BANP: variants seen among roughly 807,000 people sequenced by gnomAD.
BANP encodes BTG3 associated nuclear protein.
Under a neutral mutation model 68.1 loss-of-function variants are expected in BANP, and 11 were observed. The observed-to-expected ratio is 0.16, with a 90% confidence interval of 0.10 to 0.27. BANP has a LOEUF of 0.27. BANP is among the 10% of genes least tolerant of loss of function. The pLI is 1.00. For missense variants in BANP, 504 were observed against 722.7 expected (o/e 0.70, Z 3.47); for synonymous variants, 329 against 303.2 (o/e 1.09, Z -0.88).
chr16:87,995,323 G>A (rs2066904875), intron 4 of BANP, among the ~76,000 whole-genome samples: 1 of 152,142 alleles, frequency 6.6e-6, no homozygotes, highest in South Asian at 2.1e-4. Flanking sequence ...TCCTCTTTTT[G>A]TAAGTACATT....
chr16:87,980,365 G>A (rs189616923), intron 2 of BANP, among the ~76,000 whole-genome samples: 178 of 152,316 alleles, frequency 1.2e-3, no homozygotes, highest in African/African-American at 3.7e-3. Flanking sequence ...TATCTTTGAC[G>A]TTGTTTTTGT....
At chr16:87,965,388 A>ATGGGGC (rs1361315587) in intron 1 of BANP, among the ~76,000 whole-genome samples, 2 of 138,690 alleles carry the variant, frequency 1.4e-5, no homozygotes, top group African/African-American at 2.7e-5. Flanking sequence ...GAACAGAGAA[A>ATGGGGC]TGGGGCTGGG....
chr16:87,983,687 C>T (rs1156759954), intron 3 of BANP, among the ~76,000 whole-genome samples: 6 of 151,772 alleles, frequency 4.0e-5, no homozygotes, highest in African/African-American at 4.9e-5. Context: ...TATGCTGTGT[C>T]GATGTTAGGT....
chr16:88,047,789 A>G (rs2082347791), intron 11 of BANP, among the ~76,000 whole-genome samples: 1 of 152,246 alleles, frequency 6.6e-6, no homozygotes, highest in South Asian at 2.1e-4. Flanking sequence ...AATGTGGTAC[A>G]TAGTGAACTC....
chr16:88,048,502 C>T (rs549704781), intron 11 of BANP, among the ~76,000 whole-genome samples: 12 of 151,438 alleles, frequency 7.9e-5, no homozygotes, highest in African/African-American at 2.2e-4. Flanking sequence ...ATCGAGTCGG[C>T]GCTCACCACG....
intron 6 of BANP, among the ~76,000 whole-genome samples, chr16:88,016,201 C>T (rs2074513019): frequency 6.6e-6 from 1 of 152,196 alleles, no homozygotes; most frequent in Non-Finnish European, 1.5e-5. Context: ...TCAGCACAAG[C>T]GGGGACTATG....
chr16:88,043,259 A>G (rs2081244552), intron 11 of BANP, among the ~76,000 whole-genome samples: 1 of 152,220 alleles, frequency 6.6e-6, no homozygotes, highest in South Asian at 2.1e-4. Flanking sequence ...GGCTCCAGGC[A>G]TGGGTAGCTC....
intron 11 of BANP, among the ~76,000 whole-genome samples, chr16:88,054,321 C>CACCACCTCT (rs60253303): frequency 1.1e-5 from 1 of 87,094 alleles, no homozygotes; most frequent in Non-Finnish European, 3.4e-5. Flanking sequence ...CCACCTTCAC[C>CACCACCTCT]ACTGTCATCT....
intron 4 of BANP, among the ~76,000 whole-genome samples, chr16:87,996,013 T>C (rs906254876): frequency 2.0e-5 from 3 of 152,358 alleles, no homozygotes; most frequent in Middle Eastern, 3.4e-3. Context: ...AACTCATCTT[T>C]GGAGGGCTGG....
chr16:87,955,476 A>C (rs8058503), intron 1 of BANP, among the ~76,000 whole-genome samples: 1 of 152,162 alleles, frequency 6.6e-6, no homozygotes, highest in Non-Finnish European at 1.5e-5. Flanking sequence ...TTATGTAACC[A>C]GGCATCCATA....
intron 1 of BANP, among the ~76,000 whole-genome samples, chr16:87,965,965 A>G (rs4843285): frequency 0.64 from 97,052 of 152,004 alleles, 31,373 homozygotes; most frequent in Admixed American, 0.68. Flanking sequence ...GAGGTTTGCT[A>G]TTTGTCATCC....
At chr16:87,996,068 G>T (rs1271871367) in intron 4 of BANP, among the ~76,000 whole-genome samples, 1 of 152,248 alleles carries the variant, frequency 6.6e-6, no homozygotes, top group Non-Finnish European at 1.5e-5. Context: ...CTCCATGTCA[G>T]TTGAGGGTTA....
Position 87,971,134 on chromosome 16 carries a change from T to C in BANP, c.-68-3914T>C, listed in dbSNP as rs539920053. Among the ~76,000 whole-genome samples the C allele has an allele frequency of 3.0e-4, 46 of 152,344 alleles. 1 individual carries two copies. The South Asian group carries it at 8.9e-3, about 29-fold the overall frequency. ...GAACTCTACCACTCCTTATAGCCAT[T>C]GAACATTGTGAACATTGTAACATTG... On this transcript the variant is annotated intron_variant, in intron 1 of 13. Coordinates refer to ENST00000682872, the MANE Select transcript of BANP (RefSeq NM_001386991.1).
Position 88,071,015 on chromosome 16 carries a change from G to GT in BANP, c.1378-1053dup, listed in dbSNP as rs2090163994. The GT allele has an allele frequency of 2.5e-5, 4 of 160,620 alleles. No homozygotes were observed. The South Asian group carries it at 7.2e-4, about 29-fold the overall frequency. 9.9% of individuals were successfully genotyped at this position (160,620 alleles called of 1,614,324 possible). On this transcript the variant is annotated intron_variant, in intron 12 of 13. Coordinates refer to ENST00000682872, the MANE Select transcript of BANP (RefSeq NM_001386991.1). This position sits in a 1 kb window ranked among gnomAD's most constrained non-coding sequence, Gnocchi z 6.5. ...CAGGTGAAAGCCCTGGTCCGGCGCT[G>GT]TCTCTGCAGTGTGTTTGCGGGGGCC...
intron 13 of BANP, 40 bp from the exon 14 acceptor site, chr16:88,076,550 G>A (rs1026519187): frequency 1.3e-6 from 2 of 1,585,792 alleles, no homozygotes; most frequent in Non-Finnish European, 1.7e-6. Context: ...TGCAGTGCTG[G>A]GTATTTTTCT....
At chr16:88,061,617 G>T (rs1030481651) in intron 11 of BANP, among the ~76,000 whole-genome samples, 10 of 152,114 alleles carry the variant, frequency 6.6e-5, no homozygotes, top group African/African-American at 2.2e-4. Flanking sequence ...TTTTAGGCCA[G>T]TTGGGGGCAT....
intron 12 of BANP, among the ~76,000 whole-genome samples, chr16:88,070,611 C>G (rs2090059885): frequency 6.6e-6 from 1 of 152,070 alleles, no homozygotes. Context: ...GGGTTTTCAG[C>G]TTTGGGGGGC....
chr16:88,007,917 G>A (rs1000720500), intron 6 of BANP, among the ~76,000 whole-genome samples: 2 of 151,650 alleles, frequency 1.3e-5, no homozygotes, highest in East Asian at 1.9e-4. Context: ...TAAAGCATAC[G>A]TCTCAGTTGT....
chr16:87,994,435 C>T (rs1598229304), intron 4 of BANP, among the ~76,000 whole-genome samples: 1 of 152,214 alleles, frequency 6.6e-6, no homozygotes, highest in Admixed American at 6.5e-5. Flanking sequence ...AGCCAATTGC[C>T]AGAAGCTAGA....
Sources: allele counts gnomAD v4.1 joint callset (sites outside exome capture counted in the v4.1 genomes callset), GRCh38; gene constraint gnomAD v4.1.1; non-coding constraint Gnocchi (gnomAD v3.1); transcripts MANE v1.5; gene names NCBI Gene and HGNC (gene_info 2026-07-23, HGNC 2026-07-21).